FMO1: variants seen among roughly 807,000 people sequenced by gnomAD.
The protein encoded by FMO1 is flavin containing dimethylaniline monoxygenase 1, also known as flavin-containing monooxygenase 1.
Under a neutral mutation model 45.4 loss-of-function variants are expected in FMO1, and 36 were observed. The ratio of observed to expected loss-of-function variants is 0.79; its 90% CI spans 0.61 to 1.05. The LOEUF (loss-of-function observed/expected upper bound fraction) is 1.05, where lower values mean the gene tolerates loss of function less well. FMO1 is among the 50% of genes least tolerant of loss of function. The pLI, the probability that FMO1 is intolerant of heterozygous loss-of-function variation, is 0.00. For synonymous variants in FMO1, 228 were observed against 227.2 expected (o/e 1.00, Z -0.03); for missense variants, 615 against 640.3 (o/e 0.96, Z 0.43).
intron 1 of FMO1, among the ~76,000 whole-genome samples, chr1:171,257,416 C>A (rs1660206014): frequency 6.6e-6 from 1 of 152,114 alleles, no homozygotes; most frequent in Non-Finnish European, 1.5e-5. Flanking sequence ...GCTTTGCATG[C>A]CTACCTTTCT....
At chr1:171,284,894 T>C (rs1421422764) in intron 8 of FMO1, among the ~76,000 whole-genome samples, 1 of 152,120 alleles carries the variant, frequency 6.6e-6, no homozygotes, top group African/African-American at 2.4e-5. Flanking sequence ...TGGAATTTTA[T>C]AAAGATTTAG....
chr1:171,281,004 C>A lies in FMO1; in HGVS notation c.827+19C>A. 6.2e-7 allele frequency: 1 copy of A among 1,607,466 alleles called. No homozygotes were observed. The highest frequency in any genetic ancestry group is 8.5e-7 in the Non-Finnish European group (1 of 1,174,290). ...AAGACAGGTAAATATAATGTGACTG[C>A]CAAGGGCTTTTAGGAAGAAGGAGCC... On this transcript the variant is annotated intron_variant, in intron 6 of 8. Coordinates refer to ENST00000617670, the MANE Select transcript of FMO1 (RefSeq NM_001282693.2).
rs141583782 is a variant in FMO1 at position 171,264,211 on chromosome 1, T to C, written c.133-3332T>C. Among the ~76,000 whole-genome samples, 1,080 of 152,036 alleles carry C rather than the reference T, an allele frequency of 7.1e-3. 14 individuals carry two copies. Among genetic ancestry groups the C allele is most frequent in the Middle Eastern group, 0.014 (4 of 294 alleles). ...TTTCCCTCTATTTTTGTTAGTTCAT[T>C]GGCCTTAAGTTCTCATAAAATAAAT... On this transcript the variant is annotated intron_variant, in intron 2 of 8. Transcript: ENST00000617670.
chr1:171,277,881 CCT>C lies in FMO1; in HGVS notation c.485-847_485-846del, dbSNP rs148607186. Among the ~76,000 whole-genome samples the C allele has an allele frequency of 7.2e-3, 1,099 of 152,202 alleles. 13 individuals carry two copies. Among genetic ancestry groups the C allele is most frequent in the African/African-American group, 0.025 (1,036 of 41,530 alleles). On this transcript the variant is annotated intron_variant, in intron 4 of 8. Coordinates refer to ENST00000617670, the MANE Select transcript of FMO1 (RefSeq NM_001282693.2). ...TCCCCACAAGTATATACATTTTTCC[CCT>C]GAGAATGTAGAGGTCTTATTACTTT...
At chr1:171,273,498 C>T (rs1485451324) in intron 3 of FMO1, among the ~76,000 whole-genome samples, 1 of 151,944 alleles carries the variant, frequency 6.6e-6, no homozygotes, top group East Asian at 1.9e-4. Context: ...CACATGCTGC[C>T]CAAGACCTTT....
intron 3 of FMO1, chr1:171,271,656 T>G: frequency 1.4e-6 from 1 of 701,118 alleles, no homozygotes; most frequent in Admixed American, 2.0e-5. Flanking sequence ...CTTGCCCCAG[T>G]GCTGTCTCTA....
chr1:171,253,915 G>A (rs1660024329), intron 1 of FMO1: 1 of 152,182 alleles, frequency 6.6e-6, no homozygotes, highest in African/African-American at 2.4e-5. Flanking sequence ...TTTAAGACTA[G>A]TCAAGTACAG....
At chr1:171,267,007 A>G (rs1660642412) in intron 2 of FMO1, among the ~76,000 whole-genome samples, 1 of 152,120 alleles carries the variant, frequency 6.6e-6, no homozygotes. Flanking sequence ...CTCAACCCCT[A>G]AATCTAATTG....
chr1:171,258,447 G>A (rs1162996806), intron 2 of FMO1, among the ~76,000 whole-genome samples: 2 of 152,202 alleles, frequency 1.3e-5, no homozygotes, highest in South Asian at 4.1e-4. Context: ...CCAAGGGGAA[G>A]AAGTGTTTCC....
Position 171,271,652 on chromosome 1 carries a change from C to T in FMO1, c.322-3694C>T, listed in dbSNP as rs867718755. On this transcript the variant is annotated intron_variant, in intron 3 of 8. Transcript: ENST00000617670. ...AGTGCCCATCTGGCTCTCACTTGCC[C>T]CAGTGCTGTCTCTATGGAGCTCAAT... 15 of 704,976 alleles carry T rather than the reference C, an allele frequency of 2.1e-5. No homozygotes were observed. The African/African-American group carries it at 2.6e-4, about 12-fold the overall frequency. The allele number at this position is 704,976 out of a possible 1,614,324, so 43.7% of individuals were successfully genotyped here.
intron 4 of FMO1, among the ~76,000 whole-genome samples, chr1:171,276,763 C>T (rs536422435): frequency 9.7e-4 from 147 of 152,254 alleles, no homozygotes; most frequent in Middle Eastern, 6.8e-3. Context: ...CCTAAACATA[C>T]ACCTCTCATG....
At chr1:171,249,115 T>C (rs1036381667) in intron 1 of FMO1, among the ~76,000 whole-genome samples, 3 of 151,992 alleles carry the variant, frequency 2.0e-5, no homozygotes, top group African/African-American at 7.2e-5. Context: ...TGTTCTGTCA[T>C]GTCATCTTTT....
At chr1:171,263,494 G>A (rs190630247) in intron 2 of FMO1, among the ~76,000 whole-genome samples, 33 of 152,240 alleles carry the variant, frequency 2.2e-4, no homozygotes, top group Non-Finnish European at 4.3e-4. Flanking sequence ...CCTGGGCTGC[G>A]TCTCAAAGAG....
chr1:171,285,080 G>A, intron 8 of FMO1, 122 bp from the exon 9 acceptor site: 1 of 611,640 alleles, frequency 1.6e-6, no homozygotes, highest in Non-Finnish European at 2.8e-6. Flanking sequence ...GAAATAAAGG[G>A]GAAAATGCAG....
intron 1 of FMO1, among the ~76,000 whole-genome samples, chr1:171,251,134 C>T (rs1426844230): frequency 6.6e-6 from 1 of 152,110 alleles, no homozygotes; most frequent in East Asian, 1.9e-4. Flanking sequence ...CTTTGATGTA[C>T]GGCAGGTGCT....
chr1:171,271,559 T>A, intron 3 of FMO1: 2 of 816,958 alleles, frequency 2.4e-6, no homozygotes, highest in Non-Finnish European at 4.3e-6. Flanking sequence ...ACATTTTGCC[T>A]CTTGGCTTCT....
Position 171,275,494 on chromosome 1 carries a change from T to A in FMO1, c.470T>A (p.Leu157Gln). 1 of 1,611,704 alleles carries A rather than the reference T, an allele frequency of 6.2e-7. No homozygotes were observed. The highest frequency in any genetic ancestry group is 8.5e-7 in the Non-Finnish European group (1 of 1,178,782). The change falls in exon 4 of 9, where the codon CTG becomes CAG. Residue 157 changes from leucine to glutamine, a missense_variant. Leu to Gln is a moderately radical substitution (Grantham distance 113). Transcript: ENST00000617670. ...TTTCTTACTAATCCTTATTTGCCAC[T>A]GGATTCCTTTCCAGGTACAGCATTT... ...TGFLTNPYLP[L>Q]DSFPGINAFK...
At position 171,282,093 on chromosome 1, in the gene FMO1, A is replaced by T. The variant is rs940240685; in HGVS notation, c.943A>T (p.Asn315Tyr). ...AAAGGAAAACTCTGTCATATTTAAC[A>T]ATACTTCAAAGGAAGAGCCTATTGA... The part of the protein sequence containing the change: ...EVKENSVIFN[N>Y]TSKEEPIDII... Residue 315 changes from asparagine to tyrosine, a missense_variant, in exon 7 of 9, where the codon AAT becomes TAT. Physicochemically the swap from Asn to Tyr is moderately radical, Grantham distance 143. Coordinates refer to ENST00000617670, the MANE Select transcript of FMO1 (RefSeq NM_001282693.2). 17 of 1,613,910 alleles carry T rather than the reference A, an allele frequency of 1.1e-5. No homozygotes were observed. The highest frequency in any genetic ancestry group is 1.4e-5 in the Non-Finnish European group (16 of 1,179,832).
chr1:171,267,333 C>A (rs1660657121), intron 2 of FMO1, among the ~76,000 whole-genome samples: 1 of 152,234 alleles, frequency 6.6e-6, no homozygotes, highest in Non-Finnish European at 1.5e-5. Context: ...TCTGAACCAT[C>A]TTCTCCATAA....
Sources: allele counts gnomAD v4.1 joint callset (sites outside exome capture counted in the v4.1 genomes callset), GRCh38; gene constraint gnomAD v4.1.1; transcripts MANE v1.5; gene names NCBI Gene and HGNC (gene_info 2026-07-23, HGNC 2026-07-21).